SH3RF3: variants seen among roughly 807,000 people sequenced by gnomAD.
SH3RF3 encodes the protein E3 ubiquitin-protein ligase SH3RF3.
Under a neutral mutation model 66.3 loss-of-function variants are expected in SH3RF3, and 29 were observed. The ratio of observed to expected loss-of-function variants is 0.44; its 90% CI spans 0.33 to 0.60. The LOEUF is 0.60. Ranked by LOEUF, SH3RF3 falls within the 20% of genes least tolerant of loss-of-function variation. The pLI, the probability that SH3RF3 is intolerant of heterozygous loss-of-function variation, is 0.04. For synonymous variants in SH3RF3, 583 were observed against 532.0 expected (o/e 1.10, Z -1.32); for missense variants, 1,194 against 1,190.9 (o/e 1.00, Z -0.04).
At chr2:109,135,511 G>T (rs1676795273) in intron 1 of SH3RF3, among the ~76,000 whole-genome samples, 1 of 152,240 alleles carries the variant, frequency 6.6e-6, no homozygotes, top group Non-Finnish European at 1.5e-5. Flanking sequence ...GTGATTGGCT[G>T]TCGTTTCAGT....
intron 1 of SH3RF3, among the ~76,000 whole-genome samples, chr2:109,193,629 T>C (rs1678423867): frequency 6.6e-6 from 1 of 152,212 alleles, no homozygotes; most frequent in Non-Finnish European, 1.5e-5. Context: ...ATGCACCACA[T>C]TTCTTTCTCC....
intron 1 of SH3RF3, among the ~76,000 whole-genome samples, chr2:109,250,315 C>T (rs1239927122): frequency 2.0e-5 from 3 of 151,960 alleles, no homozygotes; most frequent in Admixed American, 6.6e-5. Flanking sequence ...ACAGAGCCAA[C>T]GTGGGGGTTT....
chr2:109,176,183 A>G (rs574048892), intron 1 of SH3RF3, among the ~76,000 whole-genome samples: 3 of 152,278 alleles, frequency 2.0e-5, no homozygotes, highest in South Asian at 2.1e-4. Flanking sequence ...CCAACATACA[A>G]CCAGTGGGGG....
At chr2:109,448,909 T>G (rs1257365689) in intron 7 of SH3RF3, among the ~76,000 whole-genome samples, 2 of 152,180 alleles carry the variant, frequency 1.3e-5, no homozygotes, top group African/African-American at 2.4e-5. Flanking sequence ...CAAAGCTGTT[T>G]TAGCTCCACC....
chr2:109,193,568 G>A (rs1228140905), intron 1 of SH3RF3, among the ~76,000 whole-genome samples: 2 of 152,126 alleles, frequency 1.3e-5, no homozygotes, highest in African/African-American at 2.4e-5. Flanking sequence ...GCTCACCCAT[G>A]TGGTATGTGC....
chr2:109,153,543 A>G (rs1677269149), intron 1 of SH3RF3, among the ~76,000 whole-genome samples: 1 of 152,236 alleles, frequency 6.6e-6, no homozygotes, highest in Non-Finnish European at 1.5e-5. Context: ...TCAGTGTGCA[A>G]TGCCTTATCA....
chr2:109,372,372 G>A (rs1683292283), intron 3 of SH3RF3, among the ~76,000 whole-genome samples: 1 of 152,210 alleles, frequency 6.6e-6, no homozygotes, highest in African/African-American at 2.4e-5. Context: ...TGGCGTGTGT[G>A]TCTGCCATTT....
chr2:109,402,689 G>A (rs1676347063), intron 4 of SH3RF3, among the ~76,000 whole-genome samples: 1 of 152,222 alleles, frequency 6.6e-6, no homozygotes, highest in Admixed American at 6.5e-5. Context: ...TTGGCACCTG[G>A]AGACTGGGGC....
intron 8 of SH3RF3, among the ~76,000 whole-genome samples, chr2:109,463,077 T>C (rs1169951437): frequency 6.6e-6 from 1 of 152,188 alleles, no homozygotes; most frequent in African/African-American, 2.4e-5. Flanking sequence ...ACCTGTAAAT[T>C]CAAGGGATTC....
chr2:109,404,313 G>A (rs1023266314), intron 4 of SH3RF3, among the ~76,000 whole-genome samples: 1 of 152,246 alleles, frequency 6.6e-6, no homozygotes, highest in East Asian at 1.9e-4. Context: ...CTGTGAAACC[G>A]AGGAGAGAGC....
intron 1 of SH3RF3, among the ~76,000 whole-genome samples, chr2:109,134,924 A>G (rs1676783643): frequency 6.6e-6 from 1 of 152,202 alleles, no homozygotes; most frequent in Non-Finnish European, 1.5e-5. Flanking sequence ...AGGCAGCTCT[A>G]TTAATATGTA....
At chr2:109,154,734 G>A (rs2104884089) in intron 1 of SH3RF3, among the ~76,000 whole-genome samples, 1 of 152,334 alleles carries the variant, frequency 6.6e-6, no homozygotes, top group South Asian at 2.1e-4. Context: ...GGGGGTGATG[G>A]TAGGGACTTT....
At chr2:109,487,512 C>T (rs1679015465) in intron 8 of SH3RF3, among the ~76,000 whole-genome samples, 1 of 152,204 alleles carries the variant, frequency 6.6e-6, no homozygotes. Context: ...ATGACATCAG[C>T]GTTTTTCCAA....
At chr2:109,436,304 G>A (rs1268469788) in intron 6 of SH3RF3, among the ~76,000 whole-genome samples, 1 of 152,206 alleles carries the variant, frequency 6.6e-6, no homozygotes, top group African/African-American at 2.4e-5. Context: ...AGCGTGAAAA[G>A]CCCCATTTCC....
chr2:109,370,158 G>A (rs72943374), intron 2 of SH3RF3, among the ~76,000 whole-genome samples: 5,561 of 152,184 alleles, frequency 0.037, 282 homozygotes, highest in African/African-American at 0.12. Flanking sequence ...CCCTTGGAGT[G>A]GCACCCGTCT....
chr2:109,454,009 G>A (rs1677963574), intron 8 of SH3RF3, among the ~76,000 whole-genome samples: 1 of 152,224 alleles, frequency 6.6e-6, no homozygotes, highest in Non-Finnish European at 1.5e-5. Flanking sequence ...CTGGGCAGGA[G>A]GGTGCCATCC....
intron 4 of SH3RF3, among the ~76,000 whole-genome samples, chr2:109,405,314 C>T (rs1194797608): frequency 6.6e-6 from 1 of 152,140 alleles, no homozygotes. Context: ...CTTAGGTGCC[C>T]TGAGCTAACA....
chr2:109,174,513 C>T (rs188316789), intron 1 of SH3RF3, among the ~76,000 whole-genome samples: 201 of 152,312 alleles, frequency 1.3e-3, no homozygotes, highest in African/African-American at 4.0e-3. Flanking sequence ...GCCAGGGCAA[C>T]GGGCAGTCCT....
intron 1 of SH3RF3, among the ~76,000 whole-genome samples, chr2:109,303,634 C>CA (rs1681524726): frequency 6.6e-6 from 1 of 152,208 alleles, no homozygotes; most frequent in Admixed American, 6.5e-5. Flanking sequence ...AGGGAGGCAA[C>CA]AGAGCCAGCT....
Sources: gnomAD v4.1 joint callset for allele counts (sites outside exome capture counted in the v4.1 genomes callset) on GRCh38, gnomAD v4.1.1 for gene constraint, MANE v1.5 for transcripts, NCBI Gene and HGNC (gene_info 2026-07-23, HGNC 2026-07-21) for gene names.